MYO1D: variants seen among roughly 807,000 people sequenced by gnomAD.
MYO1D encodes unconventional myosin-Id.
Under a neutral mutation model 122.0 loss-of-function variants are expected in MYO1D, and 83 were observed. The observed-to-expected ratio is 0.68, with a 90% CI of 0.57 to 0.82. MYO1D has a LOEUF of 0.82. MYO1D is among the 40% of genes least tolerant of loss of function. The probability of loss-of-function intolerance (pLI) is 0.00; values close to 1 mark genes in which losing one functional copy is unlikely to be tolerated. For synonymous variants in MYO1D, 464 were observed against 446.9 expected, an observed-to-expected ratio of 1.04 and a Z score of -0.48; for missense variants, 1,157 against 1,269.5, an observed-to-expected ratio of 0.91 and a Z score of 1.35.
chr17:32,791,428 A>G (rs940707568), intron 1 of MYO1D, among the ~76,000 whole-genome samples: 2 of 151,340 alleles, frequency 1.3e-5, no homozygotes, highest in African/African-American at 4.9e-5. Context: ...AACATCAGCT[A>G]TGAATTAGAA....
chr17:32,844,370 A>AATAT (rs1444711920), intron 1 of MYO1D, among the ~76,000 whole-genome samples: 4 of 141,806 alleles, frequency 2.8e-5, no homozygotes, highest in African/African-American at 1.1e-4. Context: ...TATTATATAT[A>AATAT]GTATATATGT....
At chr17:32,633,558 C>T (rs891142058) in intron 20 of MYO1D, among the ~76,000 whole-genome samples, 1 of 152,078 alleles carries the variant, frequency 6.6e-6, no homozygotes, top group Non-Finnish European at 1.5e-5. Flanking sequence ...TCTTTCTCCT[C>T]CCATTTTTAT....
intron 16 of MYO1D, among the ~76,000 whole-genome samples, chr17:32,686,639 G>A (rs1408387254): frequency 6.6e-6 from 1 of 152,138 alleles, no homozygotes; most frequent in Non-Finnish European, 1.5e-5. Flanking sequence ...GCTGAGACAG[G>A]AGGATCATTT....
At chr17:32,639,142 C>G (rs1404541303) in intron 19 of MYO1D, among the ~76,000 whole-genome samples, 1 of 151,916 alleles carries the variant, frequency 6.6e-6, no homozygotes, top group Non-Finnish European at 1.5e-5. Flanking sequence ...AATCATATAT[C>G]TAAAAAGGGA....
chr17:32,800,343 CAG>C (rs750335128), intron 1 of MYO1D, among the ~76,000 whole-genome samples: 2 of 152,136 alleles, frequency 1.3e-5, no homozygotes, highest in African/African-American at 4.8e-5. Flanking sequence ...ATATATAAAA[CAG>C]AATACTATTT....
intron 21 of MYO1D, among the ~76,000 whole-genome samples, chr17:32,583,974 ATGT>A (rs1432970910): frequency 6.6e-6 from 1 of 151,982 alleles, no homozygotes; most frequent in African/African-American, 2.4e-5. Flanking sequence ...AATTATTTTA[ATGT>A]TGTTACTGGT....
intron 21 of MYO1D, chr17:32,510,122 A>C (rs1909639167): frequency 6.6e-6 from 1 of 152,390 alleles, no homozygotes; most frequent in South Asian, 2.1e-4. Context: ...AACTTCTTGC[A>C]GCTGGAAGGT....
At chr17:32,514,403 T>C (rs758741313) in intron 21 of MYO1D, among the ~76,000 whole-genome samples, 2 of 152,142 alleles carry the variant, frequency 1.3e-5, no homozygotes, top group African/African-American at 2.4e-5. Flanking sequence ...AAGATTTCTA[T>C]CTTTTTATTC....
At chr17:32,558,064 T>G (rs1001773095) in intron 21 of MYO1D, among the ~76,000 whole-genome samples, 1 of 152,086 alleles carries the variant, frequency 6.6e-6, no homozygotes, top group African/African-American at 2.4e-5. Flanking sequence ...CATATAAAAA[T>G]GCAAAGTCAT....
At chr17:32,808,044 A>G (rs2090533611) in intron 1 of MYO1D, among the ~76,000 whole-genome samples, 2 of 152,120 alleles carry the variant, frequency 1.3e-5, no homozygotes, top group Non-Finnish European at 2.9e-5. Flanking sequence ...CTTACCCACA[A>G]TTTTCCTAAC....
At chr17:32,519,105 G>A (rs1255790430) in intron 21 of MYO1D, 2 of 152,474 alleles carry the variant, frequency 1.3e-5, no homozygotes, top group African/African-American at 4.8e-5. Context: ...AGGTCCGTGG[G>A]GAATCTCTTG....
At chr17:32,603,619 A>G (rs929173368) in intron 21 of MYO1D, among the ~76,000 whole-genome samples, 3 of 141,828 alleles carry the variant, frequency 2.1e-5, no homozygotes, top group African/African-American at 8.0e-5. Context: ...TCCGCCTCCC[A>G]GGTTCACGCC....
At chr17:32,516,994 T>C (rs572019999) in intron 21 of MYO1D, among the ~76,000 whole-genome samples, 4 of 152,160 alleles carry the variant, frequency 2.6e-5, no homozygotes, top group Non-Finnish European at 5.9e-5. Context: ...CGTGGGTGCA[T>C]AGTGATTCCA....
At chr17:32,519,850 AC>A (rs1407828550) in intron 21 of MYO1D, among the ~76,000 whole-genome samples, 2 of 151,770 alleles carry the variant, frequency 1.3e-5, no homozygotes, top group Non-Finnish European at 2.9e-5. Flanking sequence ...AGAATATAAG[AC>A]AAAAACATTG....
rs541355744 is a variant in MYO1D, at chr17:32,623,250, T to A, written c.2709+15472A>T. On this transcript the variant is annotated intron_variant, in intron 20 of 21. Coordinates refer to ENST00000318217, the MANE Select transcript of MYO1D (RefSeq NM_015194.3). ...TAGATATGGTTCCAATAAAATGAAA[T>A]CCTTCTAATGTTTATTATATTAAAA... Among the ~76,000 whole-genome samples the A allele has an allele frequency of 5.9e-5, 9 of 152,320 alleles. No individual in the cohort carries two copies. In the East Asian group the frequency reaches 1.4e-3, roughly 23 times the overall value.
At chr17:32,595,314 T>A (rs2150907292) in intron 21 of MYO1D, among the ~76,000 whole-genome samples, 1 of 152,314 alleles carries the variant, frequency 6.6e-6, no homozygotes, top group South Asian at 2.1e-4. Context: ...TTCAAATAGC[T>A]AGAAGAGAGG....
chr17:32,858,635 G>A (rs1354307404), intron 1 of MYO1D, among the ~76,000 whole-genome samples: 1 of 152,118 alleles, frequency 6.6e-6, no homozygotes, highest in Non-Finnish European at 1.5e-5. Flanking sequence ...ATTCTGATTT[G>A]TCCCATTTCT....
intron 1 of MYO1D, among the ~76,000 whole-genome samples, chr17:32,801,085 A>G (rs1162326340): frequency 6.6e-6 from 1 of 152,216 alleles, no homozygotes; most frequent in Non-Finnish European, 1.5e-5. Flanking sequence ...TGCTCATTTA[A>G]GCAGTAAGCA....
chr17:32,582,275 C>T (rs2087349441), intron 21 of MYO1D, among the ~76,000 whole-genome samples: 1 of 152,136 alleles, frequency 6.6e-6, no homozygotes, highest in South Asian at 2.1e-4. Flanking sequence ...AAAATCTACG[C>T]ATTTTAAAAG....
Sources: gnomAD v4.1 joint callset for allele counts (sites outside exome capture counted in the v4.1 genomes callset) on GRCh38, gnomAD v4.1.1 for gene constraint, MANE v1.5 for transcripts, NCBI Gene and HGNC (gene_info 2026-07-23, HGNC 2026-07-21) for gene names.